NTRK2: variants seen among roughly 807,000 people sequenced by gnomAD.
NTRK2 encodes neurotrophic receptor tyrosine kinase 2.
Under a neutral mutation model 94.5 loss-of-function variants are expected in NTRK2, and 13 were observed. That is an observed-to-expected ratio of 0.14 (90% CI 0.09 to 0.22). NTRK2 has a LOEUF of 0.22. Ranked by LOEUF, NTRK2 falls within the 10% of genes least tolerant of loss-of-function variation. The pLI is 1.00. For missense variants in NTRK2, 639 were observed against 1,071.2 expected (o/e 0.60, Z 5.63); for synonymous variants, 372 against 407.4 (o/e 0.91, Z 1.05).
chr9:85,002,987 G>T (rs7036357), intron 17 of NTRK2, among the ~76,000 whole-genome samples: 1 of 152,000 alleles, frequency 6.6e-6, no homozygotes, highest in Non-Finnish European at 1.5e-5. Flanking sequence ...AACAGTTGGG[G>T]GACGGAGCTG....
intron 14 of NTRK2, chr9:84,873,030 A>G: frequency 9.4e-7 from 1 of 1,063,318 alleles, no homozygotes; most frequent in Non-Finnish European, 1.1e-6. Flanking sequence ...ATTCTGAATT[A>G]CATCCAGGAC....
At chr9:84,741,995 T>A in intron 10 of NTRK2, 68 bp downstream of exon 10, 1 of 1,345,508 alleles carries the variant, frequency 7.4e-7, no homozygotes, top group Non-Finnish European at 1.1e-6. Context: ...GTAAATCAAC[T>A]GAAAGAAGAC....
At chr9:84,961,847 G>A (rs889701373) in intron 17 of NTRK2, among the ~76,000 whole-genome samples, 1 of 152,226 alleles carries the variant, frequency 6.6e-6, no homozygotes, top group East Asian at 1.9e-4. Context: ...GGGACACAAC[G>A]TTTGAGCTGG....
intron 9 of NTRK2, among the ~76,000 whole-genome samples, chr9:84,733,178 C>T (rs2063012144): frequency 6.6e-6 from 1 of 152,186 alleles, no homozygotes; most frequent in Non-Finnish European, 1.5e-5. Context: ...CATGGAAGCC[C>T]CTTGGTGGGG....
At chr9:84,803,078 C>T (rs1335885620) in intron 12 of NTRK2, among the ~76,000 whole-genome samples, 2 of 152,150 alleles carry the variant, frequency 1.3e-5, no homozygotes, top group African/African-American at 4.8e-5. Context: ...AGGATGATCA[C>T]CATTTCAACC....
At chr9:84,987,634 G>C (rs1828492171) in intron 17 of NTRK2, among the ~76,000 whole-genome samples, 2 of 152,130 alleles carry the variant, frequency 1.3e-5, no homozygotes, top group Admixed American at 1.3e-4. Context: ...CTTAGCAGAA[G>C]CATTAACTAA....
intron 15 of NTRK2, among the ~76,000 whole-genome samples, chr9:84,946,933 C>T (rs538503374): frequency 2.3e-4 from 35 of 152,168 alleles, no homozygotes; most frequent in Non-Finnish European, 5.0e-4. Flanking sequence ...CTCTGATCTT[C>T]TGTCCTTATG....
chr9:85,010,323 G>T (rs1452931569), intron 17 of NTRK2, among the ~76,000 whole-genome samples: 1 of 152,108 alleles, frequency 6.6e-6, no homozygotes, highest in Non-Finnish European at 1.5e-5. Flanking sequence ...TATTTTCCTG[G>T]TTGCTTTTTC....
intron 15 of NTRK2, 132 bp downstream of exon 15, chr9:84,934,424 C>T (rs1244520481): frequency 2.0e-6 from 2 of 977,584 alleles, no homozygotes; most frequent in Non-Finnish European, 3.1e-6. Flanking sequence ...TATTCAAATT[C>T]CTTTAAACTA....
intron 14 of NTRK2, chr9:84,874,195 A>G: frequency 9.4e-7 from 1 of 1,065,314 alleles, no homozygotes; most frequent in Non-Finnish European, 1.1e-6. Flanking sequence ...GACCAGGACC[A>G]GCTGAGCAAA....
intron 14 of NTRK2, chr9:84,877,816 G>T (rs2076125813): frequency 9.6e-7 from 1 of 1,046,874 alleles, no homozygotes; most frequent in Non-Finnish European, 1.2e-6. Flanking sequence ...GTCCGAAAAT[G>T]AGATCTTTTG....
intron 12 of NTRK2, among the ~76,000 whole-genome samples, chr9:84,759,391 G>A (rs563933241): frequency 4.6e-5 from 7 of 152,292 alleles, no homozygotes; most frequent in Non-Finnish European, 5.9e-5. Flanking sequence ...CAAAAGAATC[G>A]GCATCTCTGC....
intron 12 of NTRK2, among the ~76,000 whole-genome samples, chr9:84,753,346 C>G (rs1260781138): frequency 6.6e-6 from 1 of 152,072 alleles, no homozygotes; most frequent in East Asian, 1.9e-4. Flanking sequence ...GCCAAAAACT[C>G]CTATAGGACT....
intron 17 of NTRK2, among the ~76,000 whole-genome samples, chr9:84,992,478 T>C (rs1307706718): frequency 1.3e-5 from 2 of 152,254 alleles, no homozygotes; most frequent in East Asian, 3.9e-4. Context: ...TGAAGGTAAA[T>C]TATTATAATC....
chr9:84,914,948 T>C (rs1038770462), intron 14 of NTRK2, among the ~76,000 whole-genome samples: 1 of 152,178 alleles, frequency 6.6e-6, no homozygotes, highest in Non-Finnish European at 1.5e-5. Context: ...GAAGACAATT[T>C]TTCCACACAC....
At chr9:84,887,007 A>G (rs1020630007) in intron 14 of NTRK2, among the ~76,000 whole-genome samples, 2 of 152,234 alleles carry the variant, frequency 1.3e-5, no homozygotes, top group East Asian at 3.8e-4. Flanking sequence ...ATTAGCTATC[A>G]GTTTCTGTCT....
At chr9:84,905,707 G>C (rs1216370832) in intron 14 of NTRK2, among the ~76,000 whole-genome samples, 1 of 152,088 alleles carries the variant, frequency 6.6e-6, no homozygotes, top group East Asian at 1.9e-4. Context: ...GGTACTTTGG[G>C]GTAATTAATC....
intron 12 of NTRK2, among the ~76,000 whole-genome samples, chr9:84,802,269 A>G (rs1328993932): frequency 2.6e-5 from 4 of 152,158 alleles, no homozygotes; most frequent in African/African-American, 7.2e-5. Flanking sequence ...CTGGCCCTCC[A>G]TACTTTAAAA....
intron 14 of NTRK2, among the ~76,000 whole-genome samples, chr9:84,915,061 G>C (rs895819624): frequency 1.3e-5 from 2 of 152,090 alleles, no homozygotes; most frequent in South Asian, 2.1e-4. Flanking sequence ...TAGATCCGTC[G>C]TATGCGCAGT....
Sources: allele counts gnomAD v4.1 joint callset (sites outside exome capture counted in the v4.1 genomes callset), GRCh38; gene constraint gnomAD v4.1.1; transcripts MANE v1.5; gene names NCBI Gene and HGNC (gene_info 2026-07-23, HGNC 2026-07-21).